SDCBP: variants seen among roughly 807,000 people sequenced by gnomAD.
SDCBP encodes the protein syntenin-1.
SDCBP carries 22 observed loss-of-function variants against 30.5 expected under a neutral mutation model. The ratio of observed to expected loss-of-function variants is 0.72; its 90% CI spans 0.52 to 1.03. The LOEUF (loss-of-function observed/expected upper bound fraction) is 1.03, where lower values mean the gene tolerates loss of function less well. SDCBP is among the 50% of genes least tolerant of loss of function. The pLI is 0.00. For missense variants in SDCBP, 304 were observed against 369.9 expected, an observed-to-expected ratio of 0.82 and a Z score of 1.46; for synonymous variants, 103 against 118.7, an observed-to-expected ratio of 0.87 and a Z score of 0.86.
rs78444049 is a variant in SDCBP at position 58,555,584 on chromosome 8, A to C, written c.-16+2281A>C. On this transcript the variant is annotated intron_variant, in intron 1 of 8. Transcript: ENST00000260130. ...TGTCTGCCCAGGAAGCTGTTTTTAT[A>C]ATAACTAGAGCCTCGGGTAATTTGG... Among the ~76,000 whole-genome samples, 1,438 of 152,280 alleles carry C rather than the reference A, an allele frequency of 9.4e-3. 20 individuals are homozygous for C. Among genetic ancestry groups the C allele is most frequent in the African/African-American group, 0.033 (1,361 of 41,556 alleles).
chr8:58,581,666 T>C lies in SDCBP; in HGVS notation c.843-20T>C. On this transcript the variant is annotated intron_variant, in intron 8 of 8. Coordinates refer to ENST00000260130, the MANE Select transcript of SDCBP (RefSeq NM_005625.4). ...CAAAAACCAGAATCTCGGTATATAA[T>C]AAAAGTACCTCTCTTGTAGGATGGC... is the stretch of plus-strand genomic sequence containing the variant. 1 of 1,596,464 alleles carries C rather than the reference T, an allele frequency of 6.3e-7. No homozygotes were observed. Among genetic ancestry groups the C allele is most frequent in the Non-Finnish European group, 8.6e-7 (1 of 1,164,524 alleles).
chr8:58,581,829 C>A lies in SDCBP; in HGVS notation c.*89C>A. Reference sequence around the variant, plus strand: ...TTATGCACGTGAAGCCTTCCCGGAGCCAGCGAGCATATGCTGCATGAGGAC... The same window carrying A: ...TTATGCACGTGAAGCCTTCCCGGAGACAGCGAGCATATGCTGCATGAGGAC... On this transcript the variant is annotated 3_prime_UTR_variant, in exon 9 of 9. Coordinates refer to ENST00000260130, the MANE Select transcript of SDCBP (RefSeq NM_005625.4). The A allele has an allele frequency of 2.8e-6, 3 of 1,058,650 alleles. No individual in the cohort carries two copies. Among genetic ancestry groups the A allele is most frequent in the Non-Finnish European group, 4.4e-6 (3 of 678,668 alleles). 65.6% of individuals were successfully genotyped at this position (1,058,650 alleles called of 1,614,324 possible).
In SDCBP at chr8:58,582,836, A is replaced by G. The variant is rs534657293; in HGVS notation, c.*1096A>G. Reference sequence around the variant, plus strand: ...GTCTATTCTAATTAAATATGTATAAATAAAGTTACATTTTAGTCTGTCTAT... The same window carrying G: ...GTCTATTCTAATTAAATATGTATAAGTAAAGTTACATTTTAGTCTGTCTAT... On this transcript the variant is annotated 3_prime_UTR_variant, in exon 9 of 9. Coordinates refer to ENST00000260130, the MANE Select transcript of SDCBP (RefSeq NM_005625.4). 1 of 152,688 alleles carries G rather than the reference A, an allele frequency of 6.5e-6. No individual in the cohort carries two copies. The highest frequency in any genetic ancestry group is 1.9e-4 in the East Asian group (1 of 5,190). 9.5% of individuals were successfully genotyped at this position (152,688 alleles called of 1,614,324 possible).
At chr8:58,578,611 CTTTTGG>C (rs746363398) in intron 6 of SDCBP, among the ~76,000 whole-genome samples, 65 of 152,268 alleles carry the variant, frequency 4.3e-4, no homozygotes, top group Non-Finnish European at 8.4e-4. Context: ...CGTATCAAGA[CTTTTGG>C]GTAGTTATGA....
chr8:58,581,918 A>G lies in SDCBP; in HGVS notation c.*178A>G. ...CATCTGATACCTTGTTCAGATTTCA[A>G]AATAGTTGTAGCCTTATCCTGGTTT... On this transcript the variant is annotated 3_prime_UTR_variant, in exon 9 of 9. Coordinates refer to ENST00000260130, the MANE Select transcript of SDCBP (RefSeq NM_005625.4). 6.9e-6 allele frequency: 4 copies of G among 580,918 alleles called. No homozygotes were observed. Among genetic ancestry groups the G allele is most frequent in the Non-Finnish European group, 1.2e-5 (4 of 326,330 alleles). 36.0% of individuals were successfully genotyped at this position (580,918 alleles called of 1,614,324 possible).
At chr8:58,563,394 G>A (rs1015885439) in intron 1 of SDCBP, among the ~76,000 whole-genome samples, 2 of 152,138 alleles carry the variant, frequency 1.3e-5, no homozygotes, top group Non-Finnish European at 2.9e-5. Flanking sequence ...AGGCGGGAAA[G>A]TGTATGTTGC....
In SDCBP at chr8:58,570,960, A is replaced by G. The variant is rs530791906; in HGVS notation, c.125A>G (p.Asp42Gly). 6.8e-6 allele frequency: 11 copies of G among 1,607,472 alleles called. No individual in the cohort carries two copies. In the South Asian group the frequency reaches 8.8e-5, roughly 13 times the overall value. The change falls in exon 3 of 9, where the codon GAT (aspartate) becomes GGT (glycine). Residue 42 changes from aspartate to glycine, a missense_variant. Asp to Gly is a moderately conservative substitution (Grantham distance 94). Transcript: ENST00000260130. ...LSEASAPIPH[D>G]GNLYPRLYPE... ...GAAGCTTCTGCTCCTATCCCTCACG[A>G]TGGAAGTAGGTTTATACTTTGAGTT...
chr8:58,580,123 T>C (rs1805599254), intron 7 of SDCBP, among the ~76,000 whole-genome samples: 2 of 152,220 alleles, frequency 1.3e-5, no homozygotes, highest in Admixed American at 1.3e-4. Context: ...TTTTGGTTCA[T>C]ATTAATACTT....
At chr8:58,562,170 G>T (rs1213572007) in intron 1 of SDCBP, among the ~76,000 whole-genome samples, 1 of 151,796 alleles carries the variant, frequency 6.6e-6, no homozygotes, top group African/African-American at 2.4e-5. Flanking sequence ...AAATGTCATT[G>T]TAAGTCCTTC....
intron 1 of SDCBP, among the ~76,000 whole-genome samples, chr8:58,563,841 G>A (rs1214471037): frequency 1.3e-5 from 2 of 152,182 alleles, no homozygotes; most frequent in African/African-American, 2.4e-5. Flanking sequence ...GAAGTTGCCG[G>A]ATACCATGCT....
intron 1 of SDCBP, among the ~76,000 whole-genome samples, chr8:58,564,413 C>A (rs1300884123): frequency 6.6e-6 from 1 of 152,204 alleles, no homozygotes; most frequent in East Asian, 1.9e-4. Flanking sequence ...AAACATACTT[C>A]TACTTAATAC....
rs1805707742 is a variant in SDCBP at position 58,581,866 on chromosome 8, AC to A, written c.*127del. 2 of 724,398 alleles carry A rather than the reference AC, an allele frequency of 2.8e-6. No individual in the cohort carries two copies. Among genetic ancestry groups the A allele is most frequent in the East Asian group, 5.2e-5 (2 of 38,752 alleles). The allele number at this position is 724,398 out of a possible 1,614,324, so 44.9% of individuals were successfully genotyped here. On this transcript the variant is annotated 3_prime_UTR_variant, in exon 9 of 9. Transcript: ENST00000260130. ...TGCTGCATGAGGACCTTTCTATCTT[AC>A]ATTATGGCTGGGAATCTTACTCTTT...
intron 1 of SDCBP, among the ~76,000 whole-genome samples, chr8:58,557,526 T>C (rs1804215302): frequency 7.1e-6 from 1 of 141,590 alleles, no homozygotes; most frequent in African/African-American, 2.6e-5. Context: ...TATATAGCCT[T>C]TTGGTGTTCT....
chr8:58,564,985 C>T (rs754234201), intron 1 of SDCBP, 34 bp from the exon 2 acceptor site: 8 of 1,204,164 alleles, frequency 6.6e-6, no homozygotes, highest in Middle Eastern at 3.9e-4. Flanking sequence ...ATTTCTATGA[C>T]ATTAGAGTAA....
In SDCBP at chr8:58,575,361, G is replaced by A. The variant is rs543438574; in HGVS notation, c.241-539G>A. ...TAATGTAGGTATTCTGGGGCATTCTGGTTTGTGCATATGATTTGTTAATCC... is the reference window on the plus strand; with the variant it reads ...TAATGTAGGTATTCTGGGGCATTCTAGTTTGTGCATATGATTTGTTAATCC... On this transcript the variant is annotated intron_variant, in intron 4 of 8. Coordinates refer to ENST00000260130, the MANE Select transcript of SDCBP (RefSeq NM_005625.4). Among the ~76,000 whole-genome samples, 3 of 152,266 alleles carry A rather than the reference G, an allele frequency of 2.0e-5. No homozygotes were observed. In the East Asian group the frequency reaches 5.8e-4, roughly 29 times the overall value.
At position 58,581,777 on chromosome 8, in the gene SDCBP, C is replaced by T; in HGVS notation, c.*37C>T. The T allele has an allele frequency of 6.3e-7, 1 of 1,583,770 alleles. No homozygotes were observed. Among genetic ancestry groups the T allele is most frequent in the Admixed American group, 1.7e-5 (1 of 59,894 alleles). ...CCATGGAAATGTAGCTGAACGTCTC[C>T]AGTTTCCTTCTTTGGCAACTTCTGT... On this transcript the variant is annotated 3_prime_UTR_variant, in exon 9 of 9. Transcript: ENST00000260130.
At chr8:58,575,249 G>A (rs1447874420) in intron 4 of SDCBP, among the ~76,000 whole-genome samples, 2 of 151,994 alleles carry the variant, frequency 1.3e-5, no homozygotes, top group Admixed American at 6.6e-5. Context: ...TTTGGTTGGG[G>A]AAAGGTTCCA....
At chr8:58,575,304 A>G (rs557895901) in intron 4 of SDCBP, among the ~76,000 whole-genome samples, 1 of 152,338 alleles carries the variant, frequency 6.6e-6, no homozygotes, top group East Asian at 1.9e-4. Flanking sequence ...AAAGAATTAG[A>G]AACTTGAAAC....
In SDCBP at chr8:58,559,940, G is replaced by A. The variant is rs150589667; in HGVS notation, c.-15-5079G>A. Among the ~76,000 whole-genome samples, 1,019 of 152,290 alleles carry A rather than the reference G, an allele frequency of 6.7e-3. 11 individuals carry two copies. The highest frequency in any genetic ancestry group is 0.023 in the African/African-American group (969 of 41,554). On this transcript the variant is annotated intron_variant, in intron 1 of 8. Transcript: ENST00000260130. ...CCAGGCTCCTGGTTTTTCCCTGGGC[G>A]GGGAAAGAGAAGACTGAAACATCTG...
Sources: allele counts gnomAD v4.1 joint callset (sites outside exome capture counted in the v4.1 genomes callset), GRCh38; gene constraint gnomAD v4.1.1; transcripts MANE v1.5; gene names NCBI Gene and HGNC (gene_info 2026-07-23, HGNC 2026-07-21).